PIGN: variants seen among roughly 807,000 people sequenced by gnomAD.
PIGN encodes the protein GPI ethanolamine phosphate transferase 1.
In PIGN, 117 loss-of-function variants were observed where a neutral mutation model predicts 125.4. The ratio of observed to expected loss-of-function variants is 0.93; its 90% CI spans 0.80 to 1.09. The LOEUF (loss-of-function observed/expected upper bound fraction) is 1.09, where lower values mean the gene tolerates loss of function less well. Ranked by LOEUF, PIGN falls within the 50% of genes least tolerant of loss-of-function variation. PIGN has a pLI of 0.00. For synonymous variants in PIGN, 392 were observed against 377.8 expected, an observed-to-expected ratio of 1.04 and a Z score of -0.44; for missense variants, 1,075 against 1,094.9, an observed-to-expected ratio of 0.98 and a Z score of 0.26.
chr18:62,097,663 A>G (rs928645766), intron 22 of PIGN, among the ~76,000 whole-genome samples: 1 of 152,208 alleles, frequency 6.6e-6, no homozygotes, highest in African/African-American at 2.4e-5. Flanking sequence ...TTTATATCTT[A>G]GTTCAAAGAC....
rs2030627739 is a variant in PIGN at position 62,045,790 on chromosome 18, G to A, written c.*66C>T. ...TATCCATATCCATCTTCTTATTGAA[G>A]CCTTGATGAGATTTTAGCTTAAAAG... On this transcript the variant is annotated 3_prime_UTR_variant, in exon 31 of 31. Coordinates refer to ENST00000640252, the MANE Select transcript of PIGN (RefSeq NM_176787.5). 2 of 1,527,910 alleles carry A rather than the reference G, an allele frequency of 1.3e-6. No homozygotes were observed. The highest frequency in any genetic ancestry group is 9.0e-7 in the Non-Finnish European group (1 of 1,108,430). 94.6% of individuals were successfully genotyped at this position (1,527,910 alleles called of 1,614,324 possible). A position where few individuals can be genotyped will look rare whatever the true frequency, so the allele number is the denominator to read the frequency against.
intron 24 of PIGN, among the ~76,000 whole-genome samples, 159 bp from the exon 25 acceptor site, chr18:62,089,001 G>T (rs887743793): frequency 2.0e-5 from 3 of 152,052 alleles, no homozygotes; most frequent in African/African-American, 4.8e-5. Flanking sequence ...TTTCCCTAGG[G>T]TTTAATTACA....
chr18:62,054,994 A>G (rs1339349889), intron 30 of PIGN, among the ~76,000 whole-genome samples: 1 of 152,204 alleles, frequency 6.6e-6, no homozygotes, highest in Non-Finnish European at 1.5e-5. Flanking sequence ...CCAAAATGAG[A>G]TATCACTACA....
chr18:62,114,712 TAAAAAAC>T, intron 14 of PIGN, 73 bp from the exon 15 acceptor site: 1 of 658,674 alleles, frequency 1.5e-6, no homozygotes, highest in Non-Finnish European at 2.3e-6. Flanking sequence ...TCCCCTTAAT[TAAAAAAC>T]AAAGATAGTG....
chr18:62,025,925 G>A (rs951133774), intron 23 of PIGN, among the ~76,000 whole-genome samples: 5 of 152,038 alleles, frequency 3.3e-5, no homozygotes, highest in South Asian at 2.1e-4. Flanking sequence ...CTACCCATGC[G>A]TCTGGTCCTA....
chr18:62,074,704 C>T (rs1024149296), intron 29 of PIGN, 75 bp downstream of exon 29: 2 of 879,356 alleles, frequency 2.3e-6, no homozygotes, highest in South Asian at 1.7e-5. Flanking sequence ...TACCAAAATG[C>T]ATTCATATTT....
chr18:62,155,025 G>A (rs1342925078), intron 6 of PIGN, among the ~76,000 whole-genome samples: 1 of 152,220 alleles, frequency 6.6e-6, no homozygotes, highest in Middle Eastern at 3.4e-3. Flanking sequence ...CCCTTAGAAT[G>A]CTACAATCTA....
In PIGN at chr18:62,180,074, TA is replaced by T. The variant is rs2037662845; in HGVS notation, c.-236+6769del. On this transcript the variant is annotated intron_variant, in intron 1 of 30. Coordinates refer to ENST00000640252, the MANE Select transcript of PIGN (RefSeq NM_176787.5). ...TGGCAATTAAGCTGCTCTCTTATGG[TA>T]AAGGTGGAGATTTTTAGAATTTTTA... is the stretch of plus-strand genomic sequence containing the variant. Among the ~76,000 whole-genome samples, 4 of 152,280 alleles carry T rather than the reference TA, an allele frequency of 2.6e-5. No homozygotes were observed. In the South Asian group the frequency reaches 8.3e-4, roughly 32 times the overall value.
At chr18:62,098,056 C>T (rs572645210) in intron 22 of PIGN, among the ~76,000 whole-genome samples, 19 of 152,230 alleles carry the variant, frequency 1.2e-4, no homozygotes, top group African/African-American at 4.3e-4. Context: ...AGAAATTTAC[C>T]CACCTGTCAA....
At chr18:62,105,677 GA>G (rs764000715) in intron 19 of PIGN, 43 bp from the exon 20 acceptor site, 3 of 1,161,190 alleles carry the variant, frequency 2.6e-6, no homozygotes, top group Non-Finnish European at 3.7e-6. Context: ...ATATGGTATA[GA>G]AAACTATCAT....
At chr18:62,154,487 C>A (rs184895764) in intron 7 of PIGN, 58 bp downstream of exon 7, 1 of 818,266 alleles carries the variant, frequency 1.2e-6, no homozygotes, top group Non-Finnish European at 2.1e-6. Flanking sequence ...GGGATACAGT[C>A]TCCAATACTT....
At chr18:62,024,377 C>T (rs772669727) in intron 23 of PIGN, among the ~76,000 whole-genome samples, 1 of 152,152 alleles carries the variant, frequency 6.6e-6, no homozygotes, top group Non-Finnish European at 1.5e-5. Context: ...CCCCCAGCCC[C>T]TTCCCTGTTC....
At chr18:62,103,215 A>G (rs575187607) in intron 20 of PIGN, among the ~76,000 whole-genome samples, 12 of 152,328 alleles carry the variant, frequency 7.9e-5, no homozygotes, top group African/African-American at 2.6e-4. Flanking sequence ...ATCAAATACT[A>G]TAATATTTAG....
intron 14 of PIGN, among the ~76,000 whole-genome samples, chr18:62,118,371 C>A (rs2035167706): frequency 6.6e-6 from 1 of 151,836 alleles, no homozygotes; most frequent in Non-Finnish European, 1.5e-5. Context: ...CCACCAAGAA[C>A]AACTAGAAAG....
chr18:62,165,387 A>G (rs1383609456), intron 1 of PIGN, among the ~76,000 whole-genome samples: 2 of 152,220 alleles, frequency 1.3e-5, no homozygotes, highest in Non-Finnish European at 2.9e-5. Flanking sequence ...ATAGCAACAC[A>G]AAATAAACTA....
intron 23 of PIGN, among the ~76,000 whole-genome samples, chr18:62,025,580 T>A (rs1484191680): frequency 6.6e-6 from 1 of 152,238 alleles, no homozygotes; most frequent in Non-Finnish European, 1.5e-5. Context: ...CCCATATGTG[T>A]CTGTTCAGCA....
At position 62,116,205 on chromosome 18, in the gene PIGN, T is replaced by C. The variant is rs143110229; in HGVS notation, c.1173-1566A>G. 1.6e-3 allele frequency among the ~76,000 whole-genome samples: 242 copies of C among 152,332 alleles called. 1 individual carries two copies. The highest frequency in any genetic ancestry group is 5.4e-3 in the African/African-American group (226 of 41,578). Reference sequence around the variant, plus strand: ...ATTTTGAAGTGTTTTCCCAGAAGCCTTAGTATAGCAATTACTGTGCCAAAG... The same window carrying C: ...ATTTTGAAGTGTTTTCCCAGAAGCCCTAGTATAGCAATTACTGTGCCAAAG... On this transcript the variant is annotated intron_variant, in intron 14 of 30. Coordinates refer to ENST00000640252, the MANE Select transcript of PIGN (RefSeq NM_176787.5).
At chr18:62,146,699 C>T (rs1360498583) in intron 9 of PIGN, among the ~76,000 whole-genome samples, 1 of 152,150 alleles carries the variant, frequency 6.6e-6, no homozygotes, top group Non-Finnish European at 1.5e-5. Flanking sequence ...ACAGTTAATT[C>T]TCTGTAGATA....
intron 7 of PIGN, 153 bp downstream of exon 7, chr18:62,154,392 G>T: frequency 1.9e-6 from 1 of 521,768 alleles, no homozygotes; most frequent in Non-Finnish European, 3.3e-6. Context: ...TTTAGAATGT[G>T]TAATTTTTTA....
Sources: gnomAD v4.1 joint callset for allele counts (sites outside exome capture counted in the v4.1 genomes callset) on GRCh38, gnomAD v4.1.1 for gene constraint, MANE v1.5 for transcripts, NCBI Gene and HGNC (gene_info 2026-07-23, HGNC 2026-07-21) for gene names.